ARHGAP20: variants seen among roughly 807,000 people sequenced by gnomAD.
ARHGAP20 encodes the protein Rho GTPase activating protein 20.
Under a neutral mutation model 73.7 loss-of-function variants are expected in ARHGAP20, and 34 were observed. The observed-to-expected ratio is 0.46, with a 90% CI of 0.35 to 0.61. The LOEUF (loss-of-function observed/expected upper bound fraction) is 0.61, where lower values mean the gene tolerates loss of function less well. Ranked by LOEUF, ARHGAP20 falls within the 20% of genes least tolerant of loss-of-function variation. The pLI, the probability that ARHGAP20 is intolerant of heterozygous loss-of-function variation, is 0.00. For missense variants in ARHGAP20, 1,314 were observed against 1,420.9 expected (o/e 0.92, Z 1.21); for synonymous variants, 523 against 518.2 (o/e 1.01, Z -0.13).
intron 4 of ARHGAP20, among the ~76,000 whole-genome samples, chr11:110,619,594 T>C: frequency 6.6e-6 from 1 of 151,764 alleles, no homozygotes; most frequent in East Asian, 2.0e-4. Context: ...TATGTAGTGA[T>C]AGAGTGTATG....
intron 2 of ARHGAP20, among the ~76,000 whole-genome samples, chr11:110,676,679 AT>A (rs1214288075): frequency 1.3e-5 from 2 of 152,006 alleles, no homozygotes; most frequent in Non-Finnish European, 2.9e-5. Context: ...ATAAACCAAA[AT>A]TTTTTTTGTA....
At chr11:110,655,099 T>C (rs1264709364) in intron 2 of ARHGAP20, among the ~76,000 whole-genome samples, 3 of 152,192 alleles carry the variant, frequency 2.0e-5, no homozygotes, top group Non-Finnish European at 4.4e-5. Flanking sequence ...ACCAGGAAGC[T>C]AAGTAGTCAG....
At chr11:110,630,522 G>T in intron 3 of ARHGAP20, 106 bp downstream of exon 3, 1 of 1,207,906 alleles carries the variant, frequency 8.3e-7, no homozygotes, top group Non-Finnish European at 1.2e-6. Context: ...ATTACCTATA[G>T]TAACAAAGGC....
At position 110,578,884 on chromosome 11, in the gene ARHGAP20, GTTC is replaced by G. The variant is rs973980043; in HGVS notation, c.*483_*485del. On this transcript the variant is annotated 3_prime_UTR_variant, in exon 15 of 15. Coordinates refer to ENST00000683387, the MANE Select transcript of ARHGAP20 (RefSeq NM_001384657.1). ...GATTTAGGGAAAGATTTTATATGATGTTCTTCATTACTGGACACACTTAATGCT... is the reference window on the plus strand; with the variant it reads ...GATTTAGGGAAAGATTTTATATGATGTTCATTACTGGACACACTTAATGCT... 2 of 985,608 alleles carry G rather than the reference GTTC, an allele frequency of 2.0e-6. No homozygotes were observed. Among genetic ancestry groups the G allele is most frequent in the Non-Finnish European group, 2.4e-6 (2 of 830,118 alleles). 61.1% of individuals were successfully genotyped at this position (985,608 alleles called of 1,614,324 possible). A position where few individuals can be genotyped will look rare whatever the true frequency, so the allele number is the denominator to read the frequency against.
chr11:110,588,924 T>G (rs1947746574), intron 11 of ARHGAP20, among the ~76,000 whole-genome samples: 1 of 151,924 alleles, frequency 6.6e-6, no homozygotes, highest in African/African-American at 2.4e-5. Flanking sequence ...ACAAAAAAAT[T>G]TGCCAGGCGT....
chr11:110,703,687 C>T (rs1362557889), intron 1 of ARHGAP20, among the ~76,000 whole-genome samples: 5 of 152,056 alleles, frequency 3.3e-5, no homozygotes, highest in Non-Finnish European at 7.4e-5. Flanking sequence ...GCCTCCATCC[C>T]CACACATGCA....
At chr11:110,641,580 C>T (rs771050490) in intron 2 of ARHGAP20, among the ~76,000 whole-genome samples, 19 of 152,006 alleles carry the variant, frequency 1.2e-4, no homozygotes, top group Admixed American at 3.3e-4. Flanking sequence ...AATGGCATCC[C>T]TTTAAGAATA....
At chr11:110,603,847 A>G (rs955400026) in intron 9 of ARHGAP20, among the ~76,000 whole-genome samples, 1 of 152,198 alleles carries the variant, frequency 6.6e-6, no homozygotes, top group East Asian at 1.9e-4. Context: ...TTGGCAGTAC[A>G]TATGTGAGAA....
chr11:110,711,838 G>A (rs1591202618), intron 1 of ARHGAP20: 1 of 1,314,274 alleles, frequency 7.6e-7, no homozygotes, highest in Non-Finnish European at 9.7e-7. Flanking sequence ...GGGAGGAGCC[G>A]GGCTGCAGAA....
intron 2 of ARHGAP20, among the ~76,000 whole-genome samples, chr11:110,644,314 T>G (rs1213002596): frequency 2.0e-5 from 3 of 151,886 alleles, no homozygotes; most frequent in Admixed American, 2.0e-4. Flanking sequence ...ATTCCAAAAT[T>G]CAAACAAAAC....
rs186567334 is a variant in ARHGAP20, at chr11:110,614,543, T to C, written c.630+18A>G. 33 of 1,600,412 alleles carry C rather than the reference T, an allele frequency of 2.1e-5. No individual in the cohort carries two copies. The African/African-American group carries it at 3.1e-4, about 15-fold the overall frequency. ...TGCAGGGACTTGGAATTTAATTTTC[T>C]GGCTTAGAAACACTTACGTAGGCAC... On this transcript the variant is annotated intron_variant, in intron 6 of 14. Transcript: ENST00000683387.
Position 110,579,444 on chromosome 11 carries a change from C to T in ARHGAP20, c.3502G>A (p.Asp1168Asn). ...GGCCCTGAGTCTGGGCTGGTCGCAT[C>T]CTCTAGAGTCCAAGAGCTGGCTGAG... ...RASASSWTLE[D>N]ATSPDSGPTV... The change falls in exon 15 of 15, where the codon GAT becomes AAT. Residue 1168 changes from aspartate to asparagine, a missense_variant. By Grantham distance (23) the Asp-to-Asn change is conservative. Around this residue, in one of 3 missense-constraint regions of ARHGAP20, gnomAD observed 641 missense variants for 636.9 expected, o/e 1.01. Coordinates refer to ENST00000683387, the MANE Select transcript of ARHGAP20 (RefSeq NM_001384657.1). 1 of 1,614,078 alleles carries T rather than the reference C, an allele frequency of 6.2e-7. No individual in the cohort carries two copies. Among genetic ancestry groups the T allele is most frequent in the South Asian group, 1.1e-5 (1 of 91,074 alleles).
intron 8 of ARHGAP20, among the ~76,000 whole-genome samples, chr11:110,607,498 AT>A (rs1370371560): frequency 6.6e-6 from 1 of 152,194 alleles, no homozygotes; most frequent in Non-Finnish European, 1.5e-5. Context: ...TTTTAGTGTA[AT>A]CCTCAAATAC....
Position 110,624,197 on chromosome 11 carries a change from C to G in ARHGAP20, c.468G>C (p.Leu156Phe). 1 of 1,612,990 alleles carries G rather than the reference C, an allele frequency of 6.2e-7. No homozygotes were observed. Among genetic ancestry groups the G allele is most frequent in the Non-Finnish European group, 8.5e-7 (1 of 1,179,708 alleles). Residue 156 changes from leucine (L) to phenylalanine (F), a missense_variant, in exon 4 of 15, where the codon TTG becomes TTC. Coordinates refer to ENST00000683387, the MANE Select transcript of ARHGAP20 (RefSeq NM_001384657.1). ...GNTNAMKSFVLGWPTVNFVAT... is the reference protein window; with the variant it reads ...GNTNAMKSFVFGWPTVNFVAT... The stretch of plus-strand genomic sequence containing the variant: ...CCACAAAGTTCACTGTGGGCCAGCC[C>G]AAAACAAAGGATTTCATGGCATTGG...
chr11:110,633,918 A>G (rs1948909988), intron 2 of ARHGAP20, among the ~76,000 whole-genome samples: 1 of 152,156 alleles, frequency 6.6e-6, no homozygotes, highest in African/African-American at 2.4e-5. Flanking sequence ...TGCATAAATA[A>G]CTCTTTGTAA....
chr11:110,595,036 CAAA>C (rs1321707585), intron 9 of ARHGAP20, among the ~76,000 whole-genome samples: 1 of 151,352 alleles, frequency 6.6e-6, no homozygotes, highest in Non-Finnish European at 1.5e-5. Context: ...GAACCAAAGA[CAAA>C]AACCACATGA....
chr11:110,691,690 A>T (rs1373069270), intron 1 of ARHGAP20, among the ~76,000 whole-genome samples: 9 of 152,172 alleles, frequency 5.9e-5, no homozygotes, highest in Admixed American at 2.0e-4. Context: ...CTTCTTTGGC[A>T]CAATTCTTAT....
intron 12 of ARHGAP20, among the ~76,000 whole-genome samples, chr11:110,585,035 G>A (rs12269728): frequency 0.09 from 4,873 of 54,232 alleles, 91 homozygotes; most frequent in Non-Finnish European, 0.11. Context: ...GTGAATATAT[G>A]TGAATATATA....
intron 1 of ARHGAP20, chr11:110,691,025 C>A: frequency 6.6e-7 from 1 of 1,509,422 alleles, no homozygotes; most frequent in Non-Finnish European, 8.8e-7. Flanking sequence ...ATCTTTATTT[C>A]ACAGGCAAAT....
Sources: allele counts gnomAD v4.1 joint callset (sites outside exome capture counted in the v4.1 genomes callset), GRCh38; gene constraint gnomAD v4.1.1; regional missense constraint gnomAD v4.1.1; transcripts MANE v1.5; gene names NCBI Gene and HGNC (gene_info 2026-07-23, HGNC 2026-07-21).